The following ADAMTS4 variants were observed in gnomAD, a reference collection of about 807,000 sequenced individuals.
ADAMTS4 encodes the protein A disintegrin and metalloproteinase with thrombospondin motifs 4.
Under a neutral mutation model 66.7 loss-of-function variants are expected in ADAMTS4, and 38 were observed. The ratio of observed to expected loss-of-function variants is 0.57; its 90% confidence interval spans 0.44 to 0.75. The LOEUF (loss-of-function observed/expected upper bound fraction) is 0.75, where lower values mean the gene tolerates loss of function less well. ADAMTS4 is among the 30% of genes least tolerant of loss of function. The pLI is 0.00. For synonymous variants in ADAMTS4, 418 were observed against 461.5 expected (o/e 0.91, Z 1.21); for missense variants, 1,014 against 1,116.7 (o/e 0.91, Z 1.31).
At position 161,197,016 on chromosome 1, in the gene ADAMTS4, G is replaced by C. The variant is rs951224889; in HGVS notation, c.634-136C>G. The C allele has an allele frequency of 4.9e-6, 4 of 823,918 alleles. No individual in the cohort carries two copies. In the Admixed American group the frequency reaches 1.1e-4, roughly 22 times the overall value. The allele number at this position is 823,918 out of a possible 1,614,324, so 51.0% of individuals were successfully genotyped here. A position where few individuals can be genotyped will look rare whatever the true frequency, so the allele number is the denominator to read the frequency against. On this transcript the variant is annotated intron_variant, in intron 1 of 8. Coordinates refer to ENST00000367996, the MANE Select transcript of ADAMTS4 (RefSeq NM_005099.6). ...GCCCCACACACCCCACGGGATTCCT[G>C]ACTCCTGGCGGGTCTTGGTTGGGCC...
In ADAMTS4 at chr1:161,188,645, C is replaced by G. The variant is rs905709931; in HGVS notation, c.*2493G>C. 6.6e-6 allele frequency: 1 copy of G among 151,644 alleles called. No homozygotes were observed. The highest frequency in any genetic ancestry group is 6.6e-5 in the Admixed American group (1 of 15,198). The allele number at this position is 151,644 out of a possible 1,614,324, so 9.4% of individuals were successfully genotyped here. Reference sequence around the variant, plus strand: ...TCTGCCATTTTGAGGCACCTGGCTCCCTTACCTCAGATCCTTTTCCAGGTT... The same window carrying G: ...TCTGCCATTTTGAGGCACCTGGCTCGCTTACCTCAGATCCTTTTCCAGGTT... On this transcript the variant is annotated 3_prime_UTR_variant, in exon 9 of 9. Transcript: ENST00000367996.
chr1:161,193,046 C>T lies in ADAMTS4; in HGVS notation c.1911+167G>A, dbSNP rs907714415. On this transcript the variant is annotated intron_variant, in intron 7 of 8. Coordinates refer to ENST00000367996, the MANE Select transcript of ADAMTS4 (RefSeq NM_005099.6). This position sits in a 1 kb window ranked among gnomAD's most constrained non-coding sequence, Gnocchi z 4.4. The stretch of plus-strand genomic sequence containing the variant: ...GGCCACATATCTGGAGTCTGGGGCT[C>T]GTTTTCCTGATACCCATGTACAGAT... Among the ~76,000 whole-genome samples, 2 of 152,190 alleles carry T rather than the reference C, an allele frequency of 1.3e-5. No homozygotes were observed. Among genetic ancestry groups the T allele is most frequent in the African/African-American group, 4.8e-5 (2 of 41,434 alleles).
At position 161,186,896 on chromosome 1, in the gene ADAMTS4, G is replaced by A. The variant is rs1419933947; in HGVS notation, c.*4242C>T. 1 of 152,214 alleles carries A rather than the reference G, an allele frequency of 6.6e-6. No homozygotes were observed. Among genetic ancestry groups the A allele is most frequent in the African/African-American group, 2.4e-5 (1 of 41,446 alleles). 9.4% of individuals were successfully genotyped at this position (152,214 alleles called of 1,614,324 possible). ...CGTGCCTGTAGTCCTAGGTACTCAG[G>A]AGGTTGAGGTGGGAGGGTTGCTTGA... is the stretch of plus-strand genomic sequence containing the variant. On this transcript the variant is annotated 3_prime_UTR_variant, in exon 9 of 9. Coordinates refer to ENST00000367996, the MANE Select transcript of ADAMTS4 (RefSeq NM_005099.6).
rs1377101057 is a variant in ADAMTS4 at position 161,188,833 on chromosome 1, T to G, written c.*2305A>C. On this transcript the variant is annotated 3_prime_UTR_variant, in exon 9 of 9. Coordinates refer to ENST00000367996, the MANE Select transcript of ADAMTS4 (RefSeq NM_005099.6). ...CCCGGGTGCAAGTCATTCTCCTGCC[T>G]CAGTCTCCCAAGTAGCTGGGACTAT... 7 of 142,144 alleles carry G rather than the reference T, an allele frequency of 4.9e-5. 2 individuals are homozygous for G. The Admixed American group carries it at 5.2e-4, about 10-fold the overall frequency. The allele number at this position is 142,144 out of a possible 1,614,324, so 8.8% of individuals were successfully genotyped here. A position where few individuals can be genotyped will look rare whatever the true frequency, so the allele number is the denominator to read the frequency against.
rs758135439 is a variant in ADAMTS4 at position 161,195,452 on chromosome 1, G to A, written c.1261+13C>T. 5.0e-6 allele frequency: 8 copies of A among 1,596,510 alleles called. No individual in the cohort carries two copies. Among genetic ancestry groups the A allele is most frequent in the South Asian group, 2.3e-5 (2 of 88,656 alleles). On this transcript the variant is annotated intron_variant, in intron 4 of 8. Transcript: ENST00000367996. ...GAGTGCTACCCAGGGAAAGGTAAGT[G>A]CCATCTGCTTACCATAGCCATTGTC...
rs776319909 is a variant in ADAMTS4 at position 161,193,370 on chromosome 1, TC to T, written c.1753del (p.Glu585SerfsTer55). 6.2e-7 allele frequency: 1 copy of T among 1,613,638 alleles called. No individual in the cohort carries two copies. Among genetic ancestry groups the T allele is most frequent in the Non-Finnish European group, 8.5e-7 (1 of 1,179,818 alleles). ...GCGGTGGTTGTAGGCAGCACACTGC[TC>T]CTCGCGGAAGGTCAGGGCTGGAGGG... The part of the protein sequence containing the change: ...PTGSALTFRE[E>X]QCAAYNHRTD... On this transcript the variant is annotated frameshift_variant, in exon 7 of 9. Transcript: ENST00000367996. LOFTEE classifies it high-confidence loss of function. This position sits in a 1 kb window ranked among gnomAD's most constrained non-coding sequence, Gnocchi z 4.4.
chr1:161,191,160 C>G lies in ADAMTS4; in HGVS notation c.2492G>C (p.Arg831Pro). ...RAQILEILRR[R>P]PWAGRK ...AGGTTATTTCCTGCCCGCCCAGGGG[C>G]GCCGCCGAAGGATCTCCAGAATCTG... Residue 831 changes from arginine (R) to proline (P), a missense_variant, in exon 9 of 9, where the codon CGC becomes CCC. Physicochemically the swap from Arg to Pro is moderately radical, Grantham distance 103. Transcript: ENST00000367996. The G allele has an allele frequency of 5.1e-6, 8 of 1,561,352 alleles. No individual in the cohort carries two copies. Among genetic ancestry groups the G allele is most frequent in the Non-Finnish European group, 7.0e-6 (8 of 1,148,166 alleles).
chr1:161,195,562 G>A lies in ADAMTS4; in HGVS notation c.1164C>T (p.Arg388=). 1 of 1,614,042 alleles carries A rather than the reference G, an allele frequency of 6.2e-7. No individual in the cohort carries two copies. Among genetic ancestry groups the A allele is most frequent in the Non-Finnish European group, 8.5e-7 (1 of 1,179,956 alleles). Reference sequence around the variant, plus strand: ...GAGCCATCACAGGGGCCATGACATGGCGAGAGGTGCTCAAAGGCCCATTCA... The same window carrying A: ...GAGCCATCACAGGGGCCATGACATGACGAGAGGTGCTCAAAGGCCCATTCA... ...ISLNGPLSTS[R]HVMAPVMAHV... is the part of the protein sequence containing the mutation. The change falls in exon 4 of 9, where the codon CGC becomes CGT. Residue 388 remains arginine (R), a synonymous_variant. Coordinates refer to ENST00000367996, the MANE Select transcript of ADAMTS4 (RefSeq NM_005099.6).
rs1000963834 is a variant in ADAMTS4 at position 161,198,002 on chromosome 1, C to T, written c.626G>A (p.Arg209Lys). The part of the protein sequence containing the change: ...PLGSPSPRPR[R>K]AKRFASLSRF... ...GACTCCAGAGATGCCTACCTTGGCTCTTCGGGGTCTGGGGCTGGGGCTTCC... is the reference window on the plus strand; with the variant it reads ...GACTCCAGAGATGCCTACCTTGGCTTTTCGGGGTCTGGGGCTGGGGCTTCC... The change falls in exon 1 of 9, where the codon AGA (arginine) becomes AAA (lysine). Residue 209 changes from arginine (R) to lysine (K), a missense_variant. Coordinates refer to ENST00000367996, the MANE Select transcript of ADAMTS4 (RefSeq NM_005099.6). This position sits in a 1 kb window ranked among gnomAD's most constrained non-coding sequence, Gnocchi z 4.7. 3 of 1,558,928 alleles carry T rather than the reference C, an allele frequency of 1.9e-6. No individual in the cohort carries two copies. In the East Asian group the frequency reaches 6.8e-5, roughly 35 times the overall value.
rs753708382 is a variant in ADAMTS4 at position 161,193,238 on chromosome 1, C to T, written c.1886G>A (p.Gly629Asp). Reference sequence around the variant, plus strand: ...CCGTGGCTCCAGCACATAGTAGTAGCCCAGTGCCTGGGCCTGGCAGGTGAG... The same window carrying T: ...CCGTGGCTCCAGCACATAGTAGTAGTCCAGTGCCTGGGCCTGGCAGGTGAG... ...CKLTCQAQAL[G>D]YYYVLEPRVV... Residue 629 changes from glycine (G) to aspartate (D), a missense_variant, in exon 7 of 9, where the codon GGC becomes GAC. Gly to Asp is a moderately conservative substitution (Grantham distance 94, BLOSUM62 -1). Transcript: ENST00000367996. This position sits in a 1 kb window ranked among gnomAD's most constrained non-coding sequence, Gnocchi z 4.4. 5.6e-6 allele frequency: 9 copies of T among 1,613,790 alleles called. No homozygotes were observed. The highest frequency in any genetic ancestry group is 7.6e-6 in the Non-Finnish European group (9 of 1,179,922).
At position 161,198,811 on chromosome 1, in the gene ADAMTS4, G is replaced by A; in HGVS notation, c.-184C>T. On this transcript the variant is annotated 5_prime_UTR_variant, in exon 1 of 9. Transcript: ENST00000367996. The surrounding 1 kb of genome is among the most constrained non-coding windows in gnomAD (Gnocchi z 4.7). ...GGAGAAAACTTAGTCCTTGGGCTTGGGAGAGGTGCCCAGGGGTCTGGCTTC... is the reference window on the plus strand; with the variant it reads ...GGAGAAAACTTAGTCCTTGGGCTTGAGAGAGGTGCCCAGGGGTCTGGCTTC... 1 of 569,716 alleles carries A rather than the reference G, an allele frequency of 1.8e-6. No homozygotes were observed. The highest frequency in any genetic ancestry group is 3.0e-6 in the Non-Finnish European group (1 of 336,096). The allele number at this position is 569,716 out of a possible 1,614,324, so 35.3% of individuals were successfully genotyped here.
In ADAMTS4 at chr1:161,192,237, C is replaced by T. The variant is rs1002817690; in HGVS notation, c.1915G>A (p.Val639Ile). 10 of 1,612,930 alleles carry T rather than the reference C, an allele frequency of 6.2e-6. No homozygotes were observed. The African/African-American group carries it at 1.2e-4, about 19-fold the overall frequency. The stretch of plus-strand genomic sequence containing the variant: ...TCCGGGGAACAGGGGGTCCCATCTA[C>T]CACCTGAGGAAAAGAGAAAGAACAA... Reference protein sequence around the residue: ...GYYYVLEPRVVDGTPCSPDSS... With the variant: ...GYYYVLEPRVIDGTPCSPDSS... The change falls in exon 8 of 9, where the codon GTA becomes ATA. Residue 639 changes from valine to isoleucine, a missense_variant. Physicochemically the swap from Val to Ile is conservative, Grantham distance 29. Coordinates refer to ENST00000367996, the MANE Select transcript of ADAMTS4 (RefSeq NM_005099.6).
chr1:161,196,340 A>G (rs930033682), intron 2 of ADAMTS4, 37 bp from the exon 3 acceptor site: 3 of 1,572,658 alleles, frequency 1.9e-6, no homozygotes, highest in South Asian at 1.2e-5. Context: ...ATAGACAGCC[A>G]AGACACCTGG....
chr1:161,196,110 C>T lies in ADAMTS4; in HGVS notation c.1090+61G>A, dbSNP rs901313221. 5.3e-6 allele frequency: 8 copies of T among 1,521,938 alleles called. No homozygotes were observed. In the African/African-American group the frequency reaches 9.7e-5, roughly 18 times the overall value. 94.3% of individuals were successfully genotyped at this position (1,521,938 alleles called of 1,614,324 possible). ...GGACCCCCATTAACACTGTGGTGAA[C>T]TTGCTACCCCCTCCCCCACCTTCTC... is the stretch of plus-strand genomic sequence containing the variant. On this transcript the variant is annotated intron_variant, in intron 3 of 8. Coordinates refer to ENST00000367996, the MANE Select transcript of ADAMTS4 (RefSeq NM_005099.6).
At position 161,191,413 on chromosome 1, in the gene ADAMTS4, A is replaced by T; in HGVS notation, c.2239T>A (p.Ser747Thr). 1 of 1,614,078 alleles carries T rather than the reference A, an allele frequency of 6.2e-7. No homozygotes were observed. ...CCAGGCAGTACCACATCTGTGGGGG[A>T]GGGCATCAGCGTGTATTCACCATTG... ...ALNGEYTLMPSPTDVVLPGAV... is the reference protein window; with the variant it reads ...ALNGEYTLMPTPTDVVLPGAV... Residue 747 changes from serine to threonine, a missense_variant, in exon 9 of 9, where the codon TCC (serine) becomes ACC (threonine). Physicochemically the swap from Ser to Thr is moderately conservative, Grantham distance 58 (BLOSUM62 1). Coordinates refer to ENST00000367996, the MANE Select transcript of ADAMTS4 (RefSeq NM_005099.6).
intron 3 of ADAMTS4, 164 bp from the exon 4 acceptor site, chr1:161,195,799 C>A (rs1268294936): frequency 4.6e-6 from 3 of 650,972 alleles, no homozygotes; most frequent in Non-Finnish European, 7.4e-6. Context: ...CAGTATGTAG[C>A]CCCGTCTCTT....
At chr1:161,196,985 A>G in intron 1 of ADAMTS4, 105 bp from the exon 2 acceptor site, 4 of 1,113,340 alleles carry the variant, frequency 3.6e-6, no homozygotes, top group Non-Finnish European at 5.1e-6. Context: ...CAGCATAGTC[A>G]GCTGGGCCCC....
chr1:161,195,555 T>C lies in ADAMTS4; in HGVS notation c.1171A>G (p.Met391Val), dbSNP rs779544957. 3 of 1,613,988 alleles carry C rather than the reference T, an allele frequency of 1.9e-6. No homozygotes were observed. The highest frequency in any genetic ancestry group is 2.2e-5 in the East Asian group (1 of 44,874). Residue 391 changes from methionine to valine, a missense_variant, in exon 4 of 9, where the codon ATG becomes GTG. Transcript: ENST00000367996. ...TCCACATGAGCCATCACAGGGGCCA[T>C]GACATGGCGAGAGGTGCTCAAAGGC... ...NGPLSTSRHV[M>V]APVMAHVDPE...
chr1:161,186,355 C>T lies in ADAMTS4; in HGVS notation c.*4783G>A, dbSNP rs1212175593. On this transcript the variant is annotated 3_prime_UTR_variant, in exon 9 of 9. Coordinates refer to ENST00000367996, the MANE Select transcript of ADAMTS4 (RefSeq NM_005099.6). The stretch of plus-strand genomic sequence containing the variant: ...AGACCATTCCAGAAAAGGGTCAGGC[C>T]TTGCCTGGGATTGAGGGCTGAGATG... 1.3e-5 allele frequency: 2 copies of T among 152,230 alleles called. No individual in the cohort carries two copies. Among genetic ancestry groups the T allele is most frequent in the Non-Finnish European group, 2.9e-5 (2 of 68,052 alleles). The allele number at this position is 152,230 out of a possible 1,614,324, so 9.4% of individuals were successfully genotyped here. A position where few individuals can be genotyped will look rare whatever the true frequency, so the allele number is the denominator to read the frequency against.
Sources: gnomAD v4.1 joint callset for allele counts (sites outside exome capture counted in the v4.1 genomes callset) on GRCh38, gnomAD v4.1.1 for gene constraint, Gnocchi (gnomAD v3.1) non-coding constraint, MANE v1.5 for transcripts, NCBI Gene and HGNC (gene_info 2026-07-23, HGNC 2026-07-21) for gene names.